Variants in FLNB observed in about 807,000 individuals in gnomAD.
FLNB encodes filamin-B.
FLNB carries 111 observed loss-of-function variants against 250.6 expected under a neutral mutation model. That is an observed-to-expected ratio of 0.44 (90% CI 0.38 to 0.52). The LOEUF (loss-of-function observed/expected upper bound fraction) is 0.52. FLNB is among the 20% of genes least tolerant of loss of function. The probability of loss-of-function intolerance (pLI) is 0.00; values close to 1 mark genes in which losing one functional copy is unlikely to be tolerated. For synonymous variants in FLNB, 1,302 were observed against 1,372.1 expected (o/e 0.95, Z 1.13); for missense variants, 2,869 against 3,447.8 (o/e 0.83, Z 4.20).
At chr3:58,047,866 A>T (rs1461055914) in intron 1 of FLNB, among the ~76,000 whole-genome samples, 1 of 152,110 alleles carries the variant, frequency 6.6e-6, no homozygotes, top group African/African-American at 2.4e-5. Context: ...GCCTGGCCAC[A>T]TGCGTGTTTT....
chr3:58,079,179 T>C (rs1576679586), intron 3 of FLNB, among the ~76,000 whole-genome samples: 1 of 152,178 alleles, frequency 6.6e-6, no homozygotes. Context: ...AAATTGATAG[T>C]ATTTGACCAT....
intron 1 of FLNB, among the ~76,000 whole-genome samples, chr3:58,039,481 C>G (rs571941839): frequency 9.1e-4 from 139 of 152,218 alleles, no homozygotes; most frequent in African/African-American, 3.0e-3. Context: ...CACAGCTGAC[C>G]AGGGGCTAGT....
Position 58,124,395 on chromosome 3 carries a change from G to T in FLNB, c.3788G>T (p.Gly1263Val), listed in dbSNP as rs1017971561. ...TCTCGGCCGCTGACCCAGGTTGGGGGTGACCACATCAAGGCCCACATTGCC... is the reference window on the plus strand; with the variant it reads ...TCTCGGCCGCTGACCCAGGTTGGGGTTGACCACATCAAGGCCCACATTGCC... ...VDSRPLTQVG[G>V]DHIKAHIANP... is the part of the protein sequence containing the mutation. Residue 1263 changes from glycine (G) to valine (V), a missense_variant, in exon 22 of 46, where the codon GGT becomes GTT. By Grantham distance (109) the Gly-to-Val change is moderately radical. Around this residue, in one of 5 missense-constraint regions of FLNB, gnomAD observed 1,348 missense variants for 1,466.7 expected, o/e 0.92. Coordinates refer to ENST00000295956, the MANE Select transcript of FLNB (RefSeq NM_001457.4). 6 of 1,614,202 alleles carry T rather than the reference G, an allele frequency of 3.7e-6. No individual in the cohort carries two copies. Among genetic ancestry groups the T allele is most frequent in the Admixed American group, 3.3e-5 (2 of 60,024 alleles).
chr3:58,083,367 C>CTT (rs71091341), intron 4 of FLNB, among the ~76,000 whole-genome samples: 172 of 91,464 alleles, frequency 1.9e-3, no homozygotes, highest in Non-Finnish European at 2.2e-3. Flanking sequence ...TCAGCTTAGT[C>CTT]TTTTTTTTTT....
chr3:58,170,461 C>T (rs1446585654), intron 45 of FLNB, 114 bp from the exon 46 acceptor site: 1 of 1,040,248 alleles, frequency 9.6e-7, no homozygotes, highest in East Asian at 2.6e-5. Flanking sequence ...TCTCCCACCT[C>T]TTAGGGGCCC....
chr3:58,109,676 T>C lies in FLNB; in HGVS notation c.2300T>C (p.Val767Ala). 6.2e-7 allele frequency: 1 copy of C among 1,614,106 alleles called. No homozygotes were observed. The highest frequency in any genetic ancestry group is 1.1e-5 in the South Asian group (1 of 91,068). ...GCAAATGAACCTACACACTTCACGG[T>C]GGACTGTACTGAGGCTGGGGAAGGT... ...LKANEPTHFT[V>A]DCTEAGEGDV... Residue 767 changes from valine (V) to alanine (A), a missense_variant, in exon 15 of 46, where the codon GTG (valine) becomes GCG (alanine). Physicochemically the swap from Val to Ala is moderately conservative, Grantham distance 64. Coordinates refer to ENST00000295956, the MANE Select transcript of FLNB (RefSeq NM_001457.4).
chr3:58,169,544 C>T lies in FLNB; in HGVS notation c.7418-46C>T, dbSNP rs769859503. 22 of 1,514,228 alleles carry T rather than the reference C, an allele frequency of 1.5e-5. No individual in the cohort carries two copies. The highest frequency in any genetic ancestry group is 1.9e-5 in the Non-Finnish European group (21 of 1,088,862). The allele number at this position is 1,514,228 out of a possible 1,614,324, so 93.8% of individuals were successfully genotyped here. A position where few individuals can be genotyped will look rare whatever the true frequency, so the allele number is the denominator to read the frequency against. ...CCTGTCCTCTGGCTGAGAGACCCCT[C>T]TTGATCTGGCCATTCATGCCTGTCC... On this transcript the variant is annotated intron_variant, in intron 44 of 45. Coordinates refer to ENST00000295956, the MANE Select transcript of FLNB (RefSeq NM_001457.4). This position sits in a 1 kb window ranked among gnomAD's most constrained non-coding sequence, Gnocchi z 4.8.
chr3:58,067,927 A>C (rs1559670392), intron 1 of FLNB, among the ~76,000 whole-genome samples: 1 of 152,154 alleles, frequency 6.6e-6, no homozygotes, highest in East Asian at 1.9e-4. Flanking sequence ...AAGCATGTAG[A>C]GTGTGGGTTT....
In FLNB at chr3:58,153,427, G is replaced by T. The variant is rs781407064; in HGVS notation, c.6420G>T (p.Val2140=). ...ACGTCACCAGCCCCTCTGGCCGTGT[G>T]ACTGAGGCAGAGATTGTGCCCATGG... ...SAHVTSPSGR[V]TEAEIVPMGK... The change falls in exon 39 of 46, where the codon GTG becomes GTT. Residue 2140 remains valine (V), a synonymous_variant. Coordinates refer to ENST00000295956, the MANE Select transcript of FLNB (RefSeq NM_001457.4). 8 of 1,614,238 alleles carry T rather than the reference G, an allele frequency of 5.0e-6. No individual in the cohort carries two copies. The South Asian group carries it at 6.6e-5, about 13-fold the overall frequency.
intron 1 of FLNB, among the ~76,000 whole-genome samples, chr3:58,011,406 T>A (rs2106669615): frequency 6.6e-6 from 1 of 152,270 alleles, no homozygotes; most frequent in East Asian, 1.9e-4. Context: ...CAGAGTGACA[T>A]TCCTGGGTTA....
intron 11 of FLNB, 46 bp from the exon 12 acceptor site, chr3:58,106,634 C>A (rs1013779685): frequency 6.4e-7 from 1 of 1,569,396 alleles, no homozygotes; most frequent in Non-Finnish European, 8.8e-7. Flanking sequence ...AGAATAGGTG[C>A]TTTCCACCAT....
chr3:58,105,293 T>C (rs930762324), intron 11 of FLNB, 77 bp downstream of exon 11: 4 of 1,588,180 alleles, frequency 2.5e-6, no homozygotes, highest in Non-Finnish European at 2.6e-6. Flanking sequence ...AGGCTGGATG[T>C]TGGGGCCTTG....
intron 26 of FLNB, 83 bp downstream of exon 26, chr3:58,133,014 T>C: frequency 1.0e-5 from 15 of 1,473,492 alleles, no homozygotes; most frequent in African/African-American, 1.4e-5. Context: ...CATCCACCCA[T>C]CCGTTCCTCC....
intron 41 of FLNB, among the ~76,000 whole-genome samples, chr3:58,157,857 G>A (rs945899021): frequency 1.3e-5 from 2 of 152,242 alleles, no homozygotes; most frequent in African/African-American, 4.8e-5. Flanking sequence ...GGTCATAAAT[G>A]TTTCAGTAAG....
intron 5 of FLNB, among the ~76,000 whole-genome samples, chr3:58,095,229 G>GTATGTATT (rs140031981): frequency 3.4e-5 from 5 of 147,812 alleles, no homozygotes; most frequent in Middle Eastern, 7.0e-3. Flanking sequence ...GTTTATGTAT[G>GTATGTATT]TATTTATTTA....
At chr3:58,125,202 G>A (rs1160380139) in intron 22 of FLNB, among the ~76,000 whole-genome samples, 4 of 151,930 alleles carry the variant, frequency 2.6e-5, no homozygotes, top group African/African-American at 7.3e-5. Context: ...GTGTGATCAC[G>A]GCTCACTGCA....
intron 43 of FLNB, 71 bp downstream of exon 43, chr3:58,163,401 C>G (rs557138970): frequency 1.3e-5 from 20 of 1,526,020 alleles, no homozygotes; most frequent in African/African-American, 2.7e-5. Flanking sequence ...TGGAAATCCT[C>G]AAGCCCCATG....
At chr3:58,019,050 T>C (rs2097109982) in intron 1 of FLNB, among the ~76,000 whole-genome samples, 3 of 151,442 alleles carry the variant, frequency 2.0e-5, no homozygotes, top group African/African-American at 7.3e-5. Flanking sequence ...GTTGGGAGGA[T>C]AGCTTGAGCC....
chr3:58,058,433 C>T (rs951380483), intron 1 of FLNB, among the ~76,000 whole-genome samples: 1 of 149,208 alleles, frequency 6.7e-6, no homozygotes, highest in African/African-American at 2.6e-5. Flanking sequence ...ATCTTCGTCA[C>T]AGACAACATA....
Sources: allele counts gnomAD v4.1 joint callset (sites outside exome capture counted in the v4.1 genomes callset), GRCh38; gene constraint gnomAD v4.1.1; regional missense constraint gnomAD v4.1.1; non-coding constraint Gnocchi (gnomAD v3.1); transcripts MANE v1.5; gene names NCBI Gene and HGNC (gene_info 2026-07-23, HGNC 2026-07-21).